Variants in NYAP1 observed in about 807,000 individuals in gnomAD.
NYAP1 encodes neuronal tyrosine-phosphorylated phosphoinositide-3-kinase adapter 1.
Under a neutral mutation model 58.6 loss-of-function variants are expected in NYAP1, and 20 were observed. The observed-to-expected ratio is 0.34, with a 90% confidence interval of 0.24 to 0.50. The LOEUF is 0.50. Ranked by LOEUF, NYAP1 falls within the 20% of genes least tolerant of loss-of-function variation. The pLI is 0.98. For missense variants in NYAP1, 1,150 were observed against 1,194.5 expected, an observed-to-expected ratio of 0.96 and a Z score of 0.55; for synonymous variants, 572 against 523.1, an observed-to-expected ratio of 1.09 and a Z score of -1.27.
Position 100,487,179 on chromosome 7 carries a change from G to A in NYAP1, c.427G>A (p.Ala143Thr), listed in dbSNP as rs1799716178. 1 of 1,487,320 alleles carries A rather than the reference G, an allele frequency of 6.7e-7. No homozygotes were observed. The highest frequency in any genetic ancestry group is 8.9e-7 in the Non-Finnish European group (1 of 1,120,094). 92.1% of individuals were successfully genotyped at this position (1,487,320 alleles called of 1,614,324 possible). A position where few individuals can be genotyped will look rare whatever the true frequency, so the allele number is the denominator to read the frequency against. ...GGCAGAGACGCCCCCCAGCAAGAAA[G>A]CAGGTGAGATACCCCCTATCTCTCC... ...SGAETPPSKK[A>T]GSQKPTPEGR... The change falls in exon 3 of 7, where the codon GCA becomes ACA. Residue 143 changes from alanine (A) to threonine (T), a missense_variant. Physicochemically the swap from Ala to Thr is moderately conservative, Grantham distance 58. Transcript: ENST00000300179. The surrounding 1 kb of genome is among the most constrained non-coding windows in gnomAD (Gnocchi z 4.1).
chr7:100,486,525 A>T lies in NYAP1; in HGVS notation c.69-296A>T, dbSNP rs1478459387. 6.6e-6 allele frequency among the ~76,000 whole-genome samples: 1 copy of T among 152,040 alleles called. No homozygotes were observed. Among genetic ancestry groups the T allele is most frequent in the Non-Finnish European group, 1.5e-5 (1 of 67,972 alleles). On this transcript the variant is annotated intron_variant, in intron 2 of 6. Transcript: ENST00000300179. The surrounding 1 kb of genome is among the most constrained non-coding windows in gnomAD (Gnocchi z 6.2). Reference sequence around the variant, plus strand: ...TGGGTTTGTATCTCTACCTCTGCACAAGGCTGTCCACACAGGTGCCCAGGC... The same window carrying T: ...TGGGTTTGTATCTCTACCTCTGCACTAGGCTGTCCACACAGGTGCCCAGGC...
At position 100,494,179 on chromosome 7, in the gene NYAP1, C is replaced by T. The variant is rs112937519; in HGVS notation, c.*276C>T. 485 of 404,424 alleles carry T rather than the reference C, an allele frequency of 1.2e-3. No homozygotes were observed. Among genetic ancestry groups the T allele is most frequent in the Admixed American group, 2.1e-3 (46 of 22,434 alleles). 25.1% of individuals were successfully genotyped at this position (404,424 alleles called of 1,614,324 possible). On this transcript the variant is annotated 3_prime_UTR_variant, in exon 7 of 7. Transcript: ENST00000300179. The stretch of plus-strand genomic sequence containing the variant: ...TGTTCTTCCCGCTGGGCGTTGTACA[C>T]CCCTCCTCCTGAACCAAGCCAGAGG...
At position 100,488,642 on chromosome 7, in the gene NYAP1, C is replaced by T; in HGVS notation, c.921C>T (p.Leu307=). ...PHAHRRPASA[L]PSRRDGTPTK... ...CCCACCGCCGCCCAGCTTCAGCCCT[C>T]CCGAGCCGGAGGGACGGGACGCCCA... The change falls in exon 4 of 7, where the codon CTC becomes CTT. Residue 307 remains leucine, a synonymous_variant. Coordinates refer to ENST00000300179, the MANE Select transcript of NYAP1 (RefSeq NM_173564.4). The surrounding 1 kb of genome is among the most constrained non-coding windows in gnomAD (Gnocchi z 5.9). 1 of 1,610,698 alleles carries T rather than the reference C, an allele frequency of 6.2e-7. No homozygotes were observed. The highest frequency in any genetic ancestry group is 8.5e-7 in the Non-Finnish European group (1 of 1,178,978).
In NYAP1 at chr7:100,488,526, C is replaced by A. The variant is rs1442355851; in HGVS notation, c.805C>A (p.Pro269Thr). 10 of 1,612,510 alleles carry A rather than the reference C, an allele frequency of 6.2e-6. No individual in the cohort carries two copies. Among genetic ancestry groups the A allele is most frequent in the Non-Finnish European group, 8.5e-6 (10 of 1,179,866 alleles). ...CTATGAAGAGATGAAGTACCCGCTG[C>A]CGGAAGAGGCTGGGGAAGGCCGGGC... ...AIYEEMKYPLPEEAGEGRANG... is the reference protein window; with the variant it reads ...AIYEEMKYPLTEEAGEGRANG... Residue 269 changes from proline (P) to threonine (T), a missense_variant, in exon 4 of 7, where the codon CCG becomes ACG. Transcript: ENST00000300179. The surrounding 1 kb of genome is among the most constrained non-coding windows in gnomAD (Gnocchi z 5.9).
At position 100,489,623 on chromosome 7, in the gene NYAP1, G is replaced by A. The variant is rs747837513; in HGVS notation, c.1902G>A (p.Gln634=). The A allele has an allele frequency of 2.5e-6, 4 of 1,573,132 alleles. No homozygotes were observed. Among genetic ancestry groups the A allele is most frequent in the Non-Finnish European group, 3.5e-6 (4 of 1,154,862 alleles). Reference sequence around the variant, plus strand: ...CATTTGGGGCAGGCTGGGCCCTGCAGAGGAAGGTCCTCTATGGAGGGAGAA... The same window carrying A: ...CATTTGGGGCAGGCTGGGCCCTGCAAAGGAAGGTCCTCTATGGAGGGAGAA... The part of the protein sequence containing the change: ...AATFGAGWAL[Q]RKVLYGGRKA... Residue 634 remains glutamine, a synonymous_variant, in exon 4 of 7, where the codon CAG becomes CAA. Transcript: ENST00000300179.
chr7:100,492,133 G>A (rs1799804740), intron 6 of NYAP1, among the ~76,000 whole-genome samples: 1 of 152,104 alleles, frequency 6.6e-6, no homozygotes, highest in African/African-American at 2.4e-5. Context: ...CAGCTACTCG[G>A]GAGGCTGAGG....
At position 100,490,787 on chromosome 7, in the gene NYAP1, T is replaced by C; in HGVS notation, c.2158+58T>C. On this transcript the variant is annotated intron_variant, in intron 5 of 6. Transcript: ENST00000300179. The surrounding 1 kb of genome is among the most constrained non-coding windows in gnomAD (Gnocchi z 4.6). ...GGGCTGGCTGGGGGATCTCCCGGGG[T>C]CTAGCTGCACCTGTCCTGACTTCCT... is the stretch of plus-strand genomic sequence containing the variant. 1 of 1,417,682 alleles carries C rather than the reference T, an allele frequency of 7.1e-7. No homozygotes were observed. The highest frequency in any genetic ancestry group is 9.4e-7 in the Non-Finnish European group (1 of 1,062,838). 87.8% of individuals were successfully genotyped at this position (1,417,682 alleles called of 1,614,324 possible). A position where few individuals can be genotyped will look rare whatever the true frequency, so the allele number is the denominator to read the frequency against.
chr7:100,485,989 C>T lies in NYAP1; in HGVS notation c.68+610C>T, dbSNP rs1279176433. Among the ~76,000 whole-genome samples the T allele has an allele frequency of 6.6e-6, 1 of 152,206 alleles. No individual in the cohort carries two copies. ...CATCCTTCTCTCCTTCTCCTCTTCT[C>T]TCCCATTGACTTCACAGCCACTTGG... is the stretch of plus-strand genomic sequence containing the variant. On this transcript the variant is annotated intron_variant, in intron 2 of 6. Coordinates refer to ENST00000300179, the MANE Select transcript of NYAP1 (RefSeq NM_173564.4). This position sits in a 1 kb window ranked among gnomAD's most constrained non-coding sequence, Gnocchi z 5.7.
rs750909243 is a variant in NYAP1 at position 100,493,652 on chromosome 7, C to T, written c.2275C>T (p.Pro759Ser). 9 of 1,578,538 alleles carry T rather than the reference C, an allele frequency of 5.7e-6. No homozygotes were observed. Among genetic ancestry groups the T allele is most frequent in the Non-Finnish European group, 6.8e-6 (8 of 1,168,586 alleles). ...TCCCCCGCCCGCGGCACAGCCCCACCCCGCGCTGCCGCTGCCTCTGCCCCT... is the reference window on the plus strand; with the variant it reads ...TCCCCCGCCCGCGGCACAGCCCCACTCCGCGCTGCCGCTGCCTCTGCCCCT... ...QPRDALSQPH[P>S]ALPLPLPLPP... The change falls in exon 7 of 7, where the codon CCC becomes TCC. Residue 759 changes from proline to serine, a missense_variant. Pro to Ser is a moderately conservative substitution (Grantham distance 74). Coordinates refer to ENST00000300179, the MANE Select transcript of NYAP1 (RefSeq NM_173564.4).
In NYAP1 at chr7:100,493,922, G is replaced by T. The variant is rs1412065652; in HGVS notation, c.*19G>T. On this transcript the variant is annotated 3_prime_UTR_variant, in exon 7 of 7. Transcript: ENST00000300179. ...CATCTGAGGCGGGCGGGGGGGTACC[G>T]GGGCGCCTGGACTGGGGAGGGGGCG... 2 of 1,424,732 alleles carry T rather than the reference G, an allele frequency of 1.4e-6. No individual in the cohort carries two copies. The highest frequency in any genetic ancestry group is 1.8e-6 in the Non-Finnish European group (2 of 1,095,792). 88.3% of individuals were successfully genotyped at this position (1,424,732 alleles called of 1,614,324 possible). A position where few individuals can be genotyped will look rare whatever the true frequency, so the allele number is the denominator to read the frequency against.
In NYAP1 at chr7:100,487,251, G is replaced by A. The variant is rs975205031; in HGVS notation, c.430+69G>A. 83 of 1,425,554 alleles carry A rather than the reference G, an allele frequency of 5.8e-5. No individual in the cohort carries two copies. The highest frequency in any genetic ancestry group is 1.5e-5 in the African/African-American group (1 of 67,306). 88.3% of individuals were successfully genotyped at this position (1,425,554 alleles called of 1,614,324 possible). A position where few individuals can be genotyped will look rare whatever the true frequency, so the allele number is the denominator to read the frequency against. ...GGAGGATCTATTCCACGCCCGGGGA[G>A]GCTTGCCGGGAGGGTTCATTCAGGG... On this transcript the variant is annotated intron_variant, in intron 3 of 6. Transcript: ENST00000300179. This position sits in a 1 kb window ranked among gnomAD's most constrained non-coding sequence, Gnocchi z 4.1.
intron 6 of NYAP1, 60 bp from the exon 7 acceptor site, chr7:100,493,586 G>A (rs983856974): frequency 1.1e-4 from 158 of 1,425,010 alleles, no homozygotes; most frequent in Non-Finnish European, 1.3e-4. Flanking sequence ...GGACCCGTCC[G>A]GTCATGCTGA....
rs747607499 is a variant in NYAP1 at position 100,493,631 on chromosome 7, C to G, written c.2269-15C>G. 2.6e-6 allele frequency: 4 copies of G among 1,557,742 alleles called. No individual in the cohort carries two copies. The highest frequency in any genetic ancestry group is 2.7e-5 in the African/African-American group (2 of 72,806). Reference sequence around the variant, plus strand: ...CCTTACCCGCGTTTTCCTTTCTCCCCCGCCCGCGGCACAGCCCCACCCCGC... The same window carrying G: ...CCTTACCCGCGTTTTCCTTTCTCCCGCGCCCGCGGCACAGCCCCACCCCGC... On this transcript the variant is annotated splice_polypyrimidine_tract_variant and intron_variant, in intron 6 of 6. Transcript: ENST00000300179.
Position 100,487,242 on chromosome 7 carries a change from G to GCC in NYAP1, c.430+62_430+63dup. The GCC allele has an allele frequency of 1.4e-6, 2 of 1,438,368 alleles. No homozygotes were observed. Among genetic ancestry groups the GCC allele is most frequent in the South Asian group, 1.6e-5 (1 of 63,350 alleles). The allele number at this position is 1,438,368 out of a possible 1,614,324, so 89.1% of individuals were successfully genotyped here. A position where few individuals can be genotyped will look rare whatever the true frequency, so the allele number is the denominator to read the frequency against. ...TGGGAGCTGGGAGGATCTATTCCAC[G>GCC]CCCGGGGAGGCTTGCCGGGAGGGTT... On this transcript the variant is annotated intron_variant, in intron 3 of 6. Coordinates refer to ENST00000300179, the MANE Select transcript of NYAP1 (RefSeq NM_173564.4). This position sits in a 1 kb window ranked among gnomAD's most constrained non-coding sequence, Gnocchi z 4.1.
At position 100,489,578 on chromosome 7, in the gene NYAP1, AGAG is replaced by A. The variant is rs747939165; in HGVS notation, c.1862_1864del (p.Glu621del). On this transcript the variant is annotated inframe_deletion, in exon 4 of 7. Coordinates refer to ENST00000300179, the MANE Select transcript of NYAP1 (RefSeq NM_173564.4). ...GCGCAGGGACACCAGAGGAGGAAGA[AGAG>A]GAGGTGGGCGCCGCGACATTTGGGG... 1.1e-4 allele frequency: 172 copies of A among 1,612,912 alleles called. 1 individual carries two copies. In the African/African-American group the frequency reaches 2.0e-3, roughly 19 times the overall value.
At chr7:100,484,423 G>A (rs1799677924) in intron 1 of NYAP1, among the ~76,000 whole-genome samples, 1 of 152,098 alleles carries the variant, frequency 6.6e-6, no homozygotes, top group African/African-American at 2.4e-5. Context: ...AGGTGATTGG[G>A]GCCATCAGCG....
In NYAP1 at chr7:100,491,099, A is replaced by C. The variant is rs1253225140; in HGVS notation, c.2268+4A>C. 2 of 1,535,162 alleles carry C rather than the reference A, an allele frequency of 1.3e-6. No individual in the cohort carries two copies. Among genetic ancestry groups the C allele is most frequent in the South Asian group, 1.2e-5 (1 of 83,354 alleles). ...GCCCAGGGATGCCCTGAGCCAGGTG[A>C]GGCTTGGTTTTTCTTTTATTTGTGA... is the stretch of plus-strand genomic sequence containing the variant. On this transcript the variant is annotated splice_donor_region_variant and intron_variant, in intron 6 of 6. Coordinates refer to ENST00000300179, the MANE Select transcript of NYAP1 (RefSeq NM_173564.4).
Position 100,494,588 on chromosome 7 carries a change from C to CCTGCT in NYAP1, c.*689_*693dup, listed in dbSNP as rs759540445. ...TGCCAGAATTTGGTAGTCAGTGTGG[C>CCTGCT]CTGCTCTGAATCAGGCATCTTATTT... On this transcript the variant is annotated 3_prime_UTR_variant, in exon 7 of 7. Coordinates refer to ENST00000300179, the MANE Select transcript of NYAP1 (RefSeq NM_173564.4). The CCTGCT allele has an allele frequency of 1.5e-3, 224 of 149,060 alleles. No homozygotes were observed. Among genetic ancestry groups the CCTGCT allele is most frequent in the Non-Finnish European group, 1.3e-3 (87 of 67,648 alleles). The allele number at this position is 149,060 out of a possible 1,614,324, so 9.2% of individuals were successfully genotyped here.
In NYAP1 at chr7:100,486,037, C is replaced by G. The variant is rs1030369876; in HGVS notation, c.68+658C>G. On this transcript the variant is annotated intron_variant, in intron 2 of 6. Transcript: ENST00000300179. The surrounding 1 kb of genome is among the most constrained non-coding windows in gnomAD (Gnocchi z 6.2). ...TGGAGCCTGACTCACAGCCACCTCC[C>G]TTTTCCTTCCTCGCAACTGTGGAGT... 6.6e-6 allele frequency among the ~76,000 whole-genome samples: 1 copy of G among 152,194 alleles called. No homozygotes were observed. The highest frequency in any genetic ancestry group is 1.5e-5 in the Non-Finnish European group (1 of 68,032).
Sources: allele counts gnomAD v4.1 joint callset (sites outside exome capture counted in the v4.1 genomes callset), GRCh38; gene constraint gnomAD v4.1.1; non-coding constraint Gnocchi (gnomAD v3.1); transcripts MANE v1.5; gene names NCBI Gene and HGNC (gene_info 2026-07-23, HGNC 2026-07-21).